TLCD4: variants seen among roughly 807,000 people sequenced by gnomAD.
The protein encoded by TLCD4 is TLC domain-containing protein 4.
In TLCD4, 7 loss-of-function variants were observed where a neutral mutation model predicts 24.2. That is an observed-to-expected ratio of 0.29 (90% CI 0.16 to 0.54). TLCD4 has a LOEUF of 0.54. TLCD4 is among the 20% of genes least tolerant of loss of function. The probability of loss-of-function intolerance (pLI) is 0.95; values close to 1 mark genes in which losing one functional copy is unlikely to be tolerated. For missense variants in TLCD4, 259 were observed against 313.9 expected, an observed-to-expected ratio of 0.82 and a Z score of 1.32; for synonymous variants, 103 against 106.4, an observed-to-expected ratio of 0.97 and a Z score of 0.20.
intron 5 of TLCD4, among the ~76,000 whole-genome samples, chr1:95,173,175 A>G (rs978444680): frequency 6.6e-6 from 1 of 152,176 alleles, no homozygotes; most frequent in Non-Finnish European, 1.5e-5. Context: ...AGGCTTATGT[A>G]TTGTTATTGA....
chr1:95,159,078 G>A (rs891070778), intron 5 of TLCD4, among the ~76,000 whole-genome samples: 8 of 152,154 alleles, frequency 5.3e-5, no homozygotes, highest in African/African-American at 1.9e-4. Flanking sequence ...TTGAGGAATT[G>A]CCACACTGTC....
rs371500024 is a variant in TLCD4 at position 95,144,074 on chromosome 1, G to T, written c.155+18G>T. ...AACTCAAGGTAAAGCATATGAAAAT[G>T]TAATTGATGACAAGAAACTAGTTTA... On this transcript the variant is annotated intron_variant, in intron 2 of 6. Coordinates refer to ENST00000370203, the MANE Select transcript of TLCD4 (RefSeq NM_152487.3). The T allele has an allele frequency of 9.1e-5, 129 of 1,411,878 alleles. 1 individual carries two copies. The highest frequency in any genetic ancestry group is 1.2e-4 in the Non-Finnish European group (125 of 1,078,748). The allele number at this position is 1,411,878 out of a possible 1,614,324, so 87.5% of individuals were successfully genotyped here. A position where few individuals can be genotyped will look rare whatever the true frequency, so the allele number is the denominator to read the frequency against.
At chr1:95,188,389 G>GAAAAA (rs60956010) in intron 6 of TLCD4, among the ~76,000 whole-genome samples, 15 of 103,774 alleles carry the variant, frequency 1.4e-4, no homozygotes, top group Admixed American at 2.3e-4. Context: ...CTCCGTCTCA[G>GAAAAA]AAAAAAAAAA....
the TLCD4 span, among the ~76,000 whole-genome samples, chr1:95,094,770 ATTGT>A: frequency 6.6e-6 from 1 of 152,138 alleles, no homozygotes; most frequent in African/African-American, 2.4e-5. Context: ...CCCATAAATG[ATTGT>A]TGTTTTAAGC....
chr1:95,173,708 G>A (rs1678314772), intron 5 of TLCD4, 108 bp from the exon 6 acceptor site: 2 of 1,399,440 alleles, frequency 1.4e-6, no homozygotes, highest in East Asian at 2.3e-5. Context: ...GATCTGTTTT[G>A]GTATTGATTG....
chr1:95,147,255 G>A (rs948355119), intron 2 of TLCD4, among the ~76,000 whole-genome samples: 2 of 151,756 alleles, frequency 1.3e-5, no homozygotes, highest in African/African-American at 4.8e-5. Flanking sequence ...TGTATTTTTG[G>A]TAGAGATGGA....
chr1:95,178,846 G>C (rs566534615), intron 6 of TLCD4, among the ~76,000 whole-genome samples: 3 of 152,078 alleles, frequency 2.0e-5, no homozygotes, highest in Admixed American at 1.3e-4. Context: ...TAGGTGGCAC[G>C]TTGAATCAAC....
At chr1:95,182,384 G>T (rs1678675875) in intron 6 of TLCD4, among the ~76,000 whole-genome samples, 1 of 151,854 alleles carries the variant, frequency 6.6e-6, no homozygotes, top group South Asian at 2.1e-4. Context: ...CTTTGTAGCA[G>T]AAATGCCTTA....
At chr1:95,181,561 C>G (rs575227609) in intron 6 of TLCD4, among the ~76,000 whole-genome samples, 5 of 141,198 alleles carry the variant, frequency 3.5e-5, no homozygotes, top group Admixed American at 2.1e-4. Flanking sequence ...TGGGCTTTAA[C>G]CTGTTTTAAA....
At chr1:95,184,837 A>G (rs1367988051) in intron 6 of TLCD4, among the ~76,000 whole-genome samples, 1 of 152,162 alleles carries the variant, frequency 6.6e-6, no homozygotes, top group African/African-American at 2.4e-5. Context: ...CCAACAAAAT[A>G]AGTGATCTTT....
intron 1 of TLCD4, among the ~76,000 whole-genome samples, chr1:95,133,060 G>A (rs949073134): frequency 2.6e-5 from 4 of 151,994 alleles, no homozygotes; most frequent in African/African-American, 9.7e-5. Context: ...AAGGAGTGGA[G>A]AGAGAGAGAG....
At chr1:95,172,229 G>T (rs1678255370) in intron 5 of TLCD4, among the ~76,000 whole-genome samples, 1 of 152,184 alleles carries the variant, frequency 6.6e-6, no homozygotes, top group African/African-American at 2.4e-5. Flanking sequence ...CTTGGTGAAG[G>T]AGATGTGTAA....
chr1:95,156,580 A>C (rs745625641), intron 5 of TLCD4, among the ~76,000 whole-genome samples: 4 of 152,204 alleles, frequency 2.6e-5, no homozygotes, highest in Non-Finnish European at 5.9e-5. Flanking sequence ...TGATTGGGGA[A>C]GAGGATATCT....
At chr1:95,109,953 A>C in the TLCD4 span, among the ~76,000 whole-genome samples, 1 of 140,514 alleles carries the variant, frequency 7.1e-6, no homozygotes, top group Non-Finnish European at 1.5e-5. Context: ...ATATATATAT[A>C]TATATACACA....
chr1:95,111,137 A>AT, the TLCD4 span, among the ~76,000 whole-genome samples: 5 of 33,770 alleles, frequency 1.5e-4, no homozygotes, highest in South Asian at 3.0e-3. Context: ...ATAAAATAAA[A>AT]AAAAAAAAAG....
At chr1:95,103,242 G>C in the TLCD4 span, among the ~76,000 whole-genome samples, 5 of 152,308 alleles carry the variant, frequency 3.3e-5, no homozygotes, top group Admixed American at 6.5e-5. Context: ...GCCACCCAAA[G>C]TGCTGGGATT....
chr1:95,176,527 G>A (rs1453191283), intron 6 of TLCD4, among the ~76,000 whole-genome samples: 1 of 152,148 alleles, frequency 6.6e-6, no homozygotes, highest in African/African-American at 2.4e-5. Flanking sequence ...TTATTTTGTT[G>A]TAGTGGTACT....
intron 1 of TLCD4, chr1:95,140,815 A>G (rs896384886): frequency 2.0e-5 from 3 of 152,178 alleles, no homozygotes; most frequent in African/African-American, 7.2e-5. Context: ...GGCCCTTAAC[A>G]TATGTTAGTA....
chr1:95,101,206 C>T, the TLCD4 span, among the ~76,000 whole-genome samples: 8 of 152,066 alleles, frequency 5.3e-5, no homozygotes, highest in African/African-American at 1.7e-4. Flanking sequence ...CGTGCCTGGC[C>T]TAGGTCTCTA....
Sources: gnomAD v4.1 joint callset for allele counts (sites outside exome capture counted in the v4.1 genomes callset) on GRCh38, gnomAD v4.1.1 for gene constraint, MANE v1.5 for transcripts, NCBI Gene and HGNC (gene_info 2026-07-23, HGNC 2026-07-21) for gene names.